The following DOK6 variants were observed in gnomAD, a reference collection of about 807,000 sequenced individuals.
The protein encoded by DOK6 is docking protein 6.
In DOK6, 22 loss-of-function variants were observed where a neutral mutation model predicts 44.0. The ratio of observed to expected loss-of-function variants is 0.50; its 90% confidence interval spans 0.36 to 0.71. The LOEUF is 0.71. Ranked by LOEUF, DOK6 falls within the 30% of genes least tolerant of loss-of-function variation. The pLI is 0.00. For missense variants in DOK6, 340 were observed against 416.4 expected, an observed-to-expected ratio of 0.82 and a Z score of 1.60; for synonymous variants, 166 against 145.5, an observed-to-expected ratio of 1.14 and a Z score of -1.01.
At position 69,746,405 on chromosome 18, in the gene DOK6, A is replaced by T. The variant is rs762328177; in HGVS notation, c.738+7302A>T. Among the ~76,000 whole-genome samples, 98 of 152,256 alleles carry T rather than the reference A, an allele frequency of 6.4e-4. 1 individual carries two copies. The highest frequency in any genetic ancestry group is 2.2e-4 in the Non-Finnish European group (15 of 68,014). ...CCCCAGTAGCTAGAATTACAGGCAC[A>T]TGCCGTCACGCCTGGCTAATTTTTT... On this transcript the variant is annotated intron_variant, in intron 6 of 7. Transcript: ENST00000382713.
intron 1 of DOK6, among the ~76,000 whole-genome samples, chr18:69,405,804 A>C (rs1316711304): frequency 6.6e-6 from 1 of 152,190 alleles, no homozygotes; most frequent in Non-Finnish European, 1.5e-5. Flanking sequence ...AAACATATAA[A>C]TAACTTAGTC....
At chr18:69,497,898 G>A (rs370332604) in intron 1 of DOK6, among the ~76,000 whole-genome samples, 10 of 152,178 alleles carry the variant, frequency 6.6e-5, no homozygotes, top group African/African-American at 2.4e-4. Context: ...GGTGACGTTG[G>A]AGGATCACTT....
chr18:69,410,173 C>T (rs34043146), intron 1 of DOK6, among the ~76,000 whole-genome samples: 13,995 of 152,266 alleles, frequency 0.092, 728 homozygotes, highest in Middle Eastern at 0.18. Flanking sequence ...CAACACATTC[C>T]GTTGTTTTCT....
intron 2 of DOK6, among the ~76,000 whole-genome samples, chr18:69,585,737 T>C (rs1013951321): frequency 2.0e-5 from 3 of 152,230 alleles, no homozygotes; most frequent in African/African-American, 7.2e-5. Flanking sequence ...TAATCTTGCC[T>C]GAGAACTAAG....
At position 69,845,228 on chromosome 18, in the gene DOK6, A is replaced by G. The variant is rs1982320702; in HGVS notation, c.*3845A>G. ...GTTATATTCCAGTTTTGATTATTAT[A>G]ACACAGCACAATAAATGGGCAGTAT... On this transcript the variant is annotated 3_prime_UTR_variant, in exon 8 of 8. Transcript: ENST00000382713. The G allele has an allele frequency of 6.6e-6, 1 of 152,222 alleles. No individual in the cohort carries two copies. Among genetic ancestry groups the G allele is most frequent in the Non-Finnish European group, 1.5e-5 (1 of 68,046 alleles). 9.4% of individuals were successfully genotyped at this position (152,222 alleles called of 1,614,324 possible).
At position 69,841,653 on chromosome 18, in the gene DOK6, T is replaced by C; in HGVS notation, c.*270T>C. On this transcript the variant is annotated 3_prime_UTR_variant, in exon 8 of 8. Transcript: ENST00000382713. ...CAGTTATTTAAATAAACAAAATTCTTTGGGTCTGACAGTAACAGAAACCTC... is the reference window on the plus strand; with the variant it reads ...CAGTTATTTAAATAAACAAAATTCTCTGGGTCTGACAGTAACAGAAACCTC... 1 of 385,104 alleles carries C rather than the reference T, an allele frequency of 2.6e-6. No homozygotes were observed. The highest frequency in any genetic ancestry group is 4.8e-5 in the East Asian group (1 of 20,742). The allele number at this position is 385,104 out of a possible 1,614,324, so 23.9% of individuals were successfully genotyped here. A position where few individuals can be genotyped will look rare whatever the true frequency, so the allele number is the denominator to read the frequency against.
At chr18:69,440,255 A>T (rs1419279509) in intron 1 of DOK6, among the ~76,000 whole-genome samples, 2 of 152,186 alleles carry the variant, frequency 1.3e-5, no homozygotes, top group African/African-American at 4.8e-5. Flanking sequence ...GATATCAAAG[A>T]TCATTGATCA....
intron 3 of DOK6, among the ~76,000 whole-genome samples, chr18:69,650,607 C>A (rs557900600): frequency 6.6e-6 from 1 of 152,124 alleles, no homozygotes; most frequent in Non-Finnish European, 1.5e-5. Context: ...CTATCATATC[C>A]AATGAAGGGA....
At chr18:69,469,808 C>T (rs1980042025) in intron 1 of DOK6, 1 of 230,668 alleles carries the variant, frequency 4.3e-6, no homozygotes, top group South Asian at 4.2e-5. Context: ...GCAGAGGCGC[C>T]CCCACTGTCT....
chr18:69,484,017 A>C (rs1980504166), intron 1 of DOK6, among the ~76,000 whole-genome samples: 1 of 152,000 alleles, frequency 6.6e-6, no homozygotes, highest in Admixed American at 6.6e-5. Flanking sequence ...ATGAATCCTA[A>C]TGTTTTATTT....
intron 5 of DOK6, among the ~76,000 whole-genome samples, chr18:69,707,664 A>AG (rs968976305): frequency 6.6e-6 from 1 of 152,184 alleles, no homozygotes; most frequent in African/African-American, 2.4e-5. Context: ...CAACTATCCT[A>AG]GGCAATTAGG....
At chr18:69,610,993 T>G (rs1984125441) in intron 3 of DOK6, among the ~76,000 whole-genome samples, 1 of 151,294 alleles carries the variant, frequency 6.6e-6, no homozygotes, top group African/African-American at 2.4e-5. Flanking sequence ...CTACCTGAGG[T>G]AAGGGAGGAT....
chr18:69,817,170 T>G (rs1568134775), intron 7 of DOK6, among the ~76,000 whole-genome samples: 2 of 152,278 alleles, frequency 1.3e-5, no homozygotes, highest in Admixed American at 1.3e-4. Flanking sequence ...CATAAAACAT[T>G]TTTATACAAC....
chr18:69,690,811 T>C (rs1986247903), intron 4 of DOK6, among the ~76,000 whole-genome samples: 1 of 152,234 alleles, frequency 6.6e-6, no homozygotes, highest in South Asian at 2.1e-4. Flanking sequence ...TCTGGTCTTT[T>C]GCCTAAATAC....
At chr18:69,580,379 C>T (rs1983338955) in intron 2 of DOK6, among the ~76,000 whole-genome samples, 1 of 152,210 alleles carries the variant, frequency 6.6e-6, no homozygotes, top group Non-Finnish European at 1.5e-5. Context: ...TCCAAGCCAG[C>T]ACGGCACATC....
At chr18:69,791,904 A>AATCCATTT (rs1980611969) in intron 7 of DOK6, among the ~76,000 whole-genome samples, 1 of 152,100 alleles carries the variant, frequency 6.6e-6, no homozygotes, top group Non-Finnish European at 1.5e-5. Flanking sequence ...TTAAGTCTTT[A>AATCCATTT]ATCCATTTTC....
At chr18:69,547,081 C>T (rs73453812) in intron 1 of DOK6, among the ~76,000 whole-genome samples, 7,821 of 151,182 alleles carry the variant, frequency 0.052, 685 homozygotes, top group African/African-American at 0.17. Flanking sequence ...GGTCAGGGAA[C>T]GTACCCTTTT....
chr18:69,535,589 T>TATATATATGTGATTC lies in DOK6; in HGVS notation c.67-28895_67-28881dup, dbSNP rs1982102127. Among the ~76,000 whole-genome samples, 5 of 152,130 alleles carry TATATATATGTGATTC rather than the reference T, an allele frequency of 3.3e-5. No homozygotes were observed. The South Asian group carries it at 8.3e-4, about 25-fold the overall frequency. Reference sequence around the variant, plus strand: ...CAGTTGAATATATATATGTGATTCATATATATATGTGATTCATGTATATAT... The same window carrying TATATATATGTGATTC: ...CAGTTGAATATATATATGTGATTCATATATATATGTGATTCATATATATGTGATTCATGTATATAT... On this transcript the variant is annotated intron_variant, in intron 1 of 7. Coordinates refer to ENST00000382713, the MANE Select transcript of DOK6 (RefSeq NM_152721.6).
At chr18:69,705,220 T>G (rs1355375103) in intron 5 of DOK6, 1 of 152,250 alleles carries the variant, frequency 6.6e-6, no homozygotes, top group Non-Finnish European at 1.5e-5. Context: ...AGTAGAGATC[T>G]GAAGGTTACT....
Sources: allele counts gnomAD v4.1 joint callset (sites outside exome capture counted in the v4.1 genomes callset), GRCh38; gene constraint gnomAD v4.1.1; transcripts MANE v1.5; gene names NCBI Gene and HGNC (gene_info 2026-07-23, HGNC 2026-07-21).